The following MACROD1 variants were observed in gnomAD, a reference collection of about 807,000 sequenced individuals.
MACROD1 encodes the protein mono-ADP ribosylhydrolase 1, also known as ADP-ribose glycohydrolase MACROD1.
In MACROD1, 31 loss-of-function variants were observed where a neutral mutation model predicts 41.4. The ratio of observed to expected loss-of-function variants is 0.75; its 90% CI spans 0.56 to 1.01. The LOEUF is 1.01. Among genes scored for constraint, MACROD1 ranks in the 50% least tolerant of loss-of-function variants. The pLI, the probability that MACROD1 is intolerant of heterozygous loss-of-function variation, is 0.00. For missense variants in MACROD1, 473 were observed against 460.0 expected (o/e 1.03, Z -0.26); for synonymous variants, 252 against 203.4 (o/e 1.24, Z -2.03).
chr11:64,164,173 A>G (rs1945799065), intron 1 of MACROD1, among the ~76,000 whole-genome samples: 1 of 152,176 alleles, frequency 6.6e-6, no homozygotes, highest in Admixed American at 6.5e-5. Flanking sequence ...TATCTGACAC[A>G]TGTCTGAGTC....
chr11:64,101,567 G>A (rs1475622577), intron 3 of MACROD1, among the ~76,000 whole-genome samples: 4 of 152,082 alleles, frequency 2.6e-5, no homozygotes, highest in Non-Finnish European at 4.4e-5. Context: ...TCTGCGCCCC[G>A]GCCAGGGAGG....
At chr11:64,001,221 G>A (rs1005426586) in intron 4 of MACROD1, 4 of 590,586 alleles carry the variant, frequency 6.8e-6, no homozygotes, top group South Asian at 4.0e-5. Flanking sequence ...GGTCCAGCCC[G>A]GGCTCACCCC....
In MACROD1 at chr11:64,162,455, T is replaced by C. The variant is rs1287917973; in HGVS notation, c.298+3242A>G. ...AGTTTAAGGGTGCAGCTAGCTATGA[T>C]TACACCACTGCACTTCAGCCTGAGC... On this transcript the variant is annotated intron_variant, in intron 1 of 10. Transcript: ENST00000255681. Among the ~76,000 whole-genome samples, 8 of 151,998 alleles carry C rather than the reference T, an allele frequency of 5.3e-5. No individual in the cohort carries two copies. The East Asian group carries it at 1.5e-3, about 29-fold the overall frequency.
In MACROD1 at chr11:64,099,769, T is replaced by C. The variant is rs118023079; in HGVS notation, c.517+51470A>G. ...ATGGATGGGTTGACAGATGGAGAGA[T>C]GGATAGGTGAATGGAGAAATGAGAA... On this transcript the variant is annotated intron_variant, in intron 3 of 10. Transcript: ENST00000255681. 5.3e-3 allele frequency among the ~76,000 whole-genome samples: 776 copies of C among 147,248 alleles called. 5 individuals carry two copies. Among genetic ancestry groups the C allele is most frequent in the Non-Finnish European group, 9.0e-3 (603 of 67,148 alleles).
chr11:64,113,737 G>C (rs1165306397), intron 3 of MACROD1, among the ~76,000 whole-genome samples: 4 of 150,026 alleles, frequency 2.7e-5, no homozygotes, highest in African/African-American at 4.9e-5. Context: ...ATACATGGAT[G>C]ATGGATGGAT....
intron 1 of MACROD1, among the ~76,000 whole-genome samples, chr11:64,155,370 G>A (rs192705986): frequency 1.4e-4 from 21 of 152,364 alleles, no homozygotes; most frequent in African/African-American, 4.1e-4. Flanking sequence ...GGTGGCAGCC[G>A]GCCTAGACCC....
intron 3 of MACROD1, among the ~76,000 whole-genome samples, chr11:64,016,819 G>A (rs1943088109): frequency 6.6e-6 from 1 of 152,244 alleles, no homozygotes; most frequent in Non-Finnish European, 1.5e-5. Flanking sequence ...GGCAGTGGGA[G>A]CATGAGCCGA....
At position 64,015,280 on chromosome 11, in the gene MACROD1, G is replaced by C; in HGVS notation, c.519C>G (p.Ala173=). The part of the protein sequence containing the change: ...KLEVDAIVNA[A]NSSLLGGGGV... ...CACCGCCTCCGAGCAGGGAGCTGTT[G>C]GCTGCAAGAGAGAGAGACAAAGGCA... The change falls in exon 4 of 11, where the codon GCC becomes GCG. Residue 173 remains alanine (A), a splice_region_variant and synonymous_variant. Coordinates refer to ENST00000255681, the MANE Select transcript of MACROD1 (RefSeq NM_014067.4). The C allele has an allele frequency of 1.9e-6, 3 of 1,606,560 alleles. No individual in the cohort carries two copies. The highest frequency in any genetic ancestry group is 2.5e-6 in the Non-Finnish European group (3 of 1,176,544).
At chr11:64,160,789 C>A (rs1225284514) in intron 1 of MACROD1, among the ~76,000 whole-genome samples, 1 of 147,352 alleles carries the variant, frequency 6.8e-6, no homozygotes, top group East Asian at 2.0e-4. Flanking sequence ...GCACTCCAGC[C>A]TGGGCAACAG....
At chr11:64,031,909 C>T (rs951142888) in intron 3 of MACROD1, among the ~76,000 whole-genome samples, 2 of 152,234 alleles carry the variant, frequency 1.3e-5, no homozygotes, top group Non-Finnish European at 2.9e-5. Flanking sequence ...ACTGGGGCCC[C>T]GAGCTAGGAG....
chr11:64,008,267 G>C (rs190750599), intron 4 of MACROD1, among the ~76,000 whole-genome samples: 1 of 152,274 alleles, frequency 6.6e-6, no homozygotes, highest in Non-Finnish European at 1.5e-5. Context: ...AAGAGAAAGA[G>C]GTGAGGGAGA....
intron 3 of MACROD1, among the ~76,000 whole-genome samples, chr11:64,143,687 A>G (rs1945445413): frequency 6.6e-6 from 1 of 150,618 alleles, no homozygotes; most frequent in African/African-American, 2.4e-5. Context: ...TCAGAACTCA[A>G]ATTCATCAAC....
intron 3 of MACROD1, among the ~76,000 whole-genome samples, chr11:64,065,527 T>C (rs56333178): frequency 0.19 from 28,840 of 152,066 alleles, 3,109 homozygotes; most frequent in South Asian, 0.29. Context: ...CGGTGGCTCA[T>C]GCCTGTAATC....
chr11:64,001,505 G>A lies in MACROD1; in HGVS notation c.548-1162C>T, dbSNP rs1336876015. 33 of 702,314 alleles carry A rather than the reference G, an allele frequency of 4.7e-5. No homozygotes were observed. In the East Asian group the frequency reaches 8.6e-4, roughly 18 times the overall value. 43.5% of individuals were successfully genotyped at this position (702,314 alleles called of 1,614,324 possible). A position where few individuals can be genotyped will look rare whatever the true frequency, so the allele number is the denominator to read the frequency against. On this transcript the variant is annotated intron_variant, in intron 4 of 10. Transcript: ENST00000255681. ...CCTTCATCACCTCAGTCTCGGCACA[G>A]TTCCAGGGATGCCAGGTAGCTCACA...
intron 1 of MACROD1, among the ~76,000 whole-genome samples, chr11:64,159,990 G>A (rs757312989): frequency 6.6e-6 from 1 of 152,166 alleles, no homozygotes; most frequent in African/African-American, 2.4e-5. Context: ...TAAAGAAAAG[G>A]AGTGTCCAGG....
At chr11:64,017,737 G>A (rs1943100232) in intron 3 of MACROD1, among the ~76,000 whole-genome samples, 1 of 152,168 alleles carries the variant, frequency 6.6e-6, no homozygotes, top group Non-Finnish European at 1.5e-5. Context: ...CTTGGCCTGG[G>A]CAGTCCTGGC....
chr11:64,028,197 G>A lies in MACROD1; in HGVS notation c.518-12916C>T, dbSNP rs954109702. ...GCGCATGGGAAGGGCCGGGTGGGGT[G>A]GGGACCAGGCCTTCTAGTTCCCTGC... On this transcript the variant is annotated intron_variant, in intron 3 of 10. Coordinates refer to ENST00000255681, the MANE Select transcript of MACROD1 (RefSeq NM_014067.4). 4.6e-5 allele frequency among the ~76,000 whole-genome samples: 7 copies of A among 152,310 alleles called. No individual in the cohort carries two copies. The East Asian group carries it at 1.4e-3, about 29-fold the overall frequency.
intron 3 of MACROD1, among the ~76,000 whole-genome samples, chr11:64,072,414 C>T (rs1157782223): frequency 6.0e-5 from 9 of 149,510 alleles, no homozygotes; most frequent in South Asian, 2.2e-4. Flanking sequence ...TCAGCTGATC[C>T]GGCTCATTTA....
chr11:64,105,346 C>T (rs141651408), intron 3 of MACROD1, among the ~76,000 whole-genome samples: 99 of 152,322 alleles, frequency 6.5e-4, no homozygotes, highest in Non-Finnish European at 1.2e-3. Context: ...AGGCCTGCTG[C>T]CATGAAAGGT....
Sources: gnomAD v4.1 joint callset for allele counts (sites outside exome capture counted in the v4.1 genomes callset) on GRCh38, gnomAD v4.1.1 for gene constraint, MANE v1.5 for transcripts, NCBI Gene and HGNC (gene_info 2026-07-23, HGNC 2026-07-21) for gene names.